MGAT4A: variants seen among roughly 807,000 people sequenced by gnomAD.
The protein encoded by MGAT4A is N-acetylglucosaminyltransferase IVa.
MGAT4A carries 33 observed loss-of-function variants against 74.1 expected under a neutral mutation model. The ratio of observed to expected loss-of-function variants is 0.45; its 90% CI spans 0.34 to 0.60. The LOEUF (loss-of-function observed/expected upper bound fraction) is 0.60, where lower values mean the gene tolerates loss of function less well. MGAT4A is among the 20% of genes least tolerant of loss of function. The pLI is 0.02. For synonymous variants in MGAT4A, 198 were observed against 210.4 expected, an observed-to-expected ratio of 0.94 and a Z score of 0.51; for missense variants, 479 against 628.3, an observed-to-expected ratio of 0.76 and a Z score of 2.54.
At chr2:98,661,064 C>G (rs958144434) in intron 5 of MGAT4A, among the ~76,000 whole-genome samples, 1 of 152,000 alleles carries the variant, frequency 6.6e-6, no homozygotes, top group Non-Finnish European at 1.5e-5. Flanking sequence ...TCAAACAGCT[C>G]AAGAGTAAGA....
chr2:98,699,330 G>A (rs374378451), intron 2 of MGAT4A, among the ~76,000 whole-genome samples: 8 of 152,254 alleles, frequency 5.3e-5, no homozygotes, highest in East Asian at 3.9e-4. Flanking sequence ...TGTACAAATA[G>A]TTTAGGCACA....
At chr2:98,673,931 T>C (rs547050151) in intron 4 of MGAT4A, among the ~76,000 whole-genome samples, 5 of 152,336 alleles carry the variant, frequency 3.3e-5, no homozygotes, top group African/African-American at 2.4e-5. Flanking sequence ...TTAGTCTCTG[T>C]ATACCTGGCA....
At chr2:98,645,320 C>T (rs980337327) in intron 9 of MGAT4A, 108 bp downstream of exon 9, 5 of 765,270 alleles carry the variant, frequency 6.5e-6, no homozygotes, top group African/African-American at 5.4e-5. Context: ...TAAAACAACC[C>T]ATTTCCATAG....
chr2:98,655,579 G>T, intron 7 of MGAT4A, 59 bp from the exon 8 acceptor site: 1 of 1,171,094 alleles, frequency 8.5e-7, no homozygotes, highest in Non-Finnish European at 1.3e-6. Context: ...AGTAAAATAA[G>T]ATTAAATGTA....
At chr2:98,697,664 T>G (rs771381780) in intron 2 of MGAT4A, among the ~76,000 whole-genome samples, 11 of 152,186 alleles carry the variant, frequency 7.2e-5, no homozygotes, top group Non-Finnish European at 1.3e-4. Flanking sequence ...ACAATTATTT[T>G]TAAATAGGTT....
At chr2:98,665,009 C>A (rs1277930315) in intron 4 of MGAT4A, among the ~76,000 whole-genome samples, 1 of 152,030 alleles carries the variant, frequency 6.6e-6, no homozygotes, top group African/African-American at 2.4e-5. Context: ...TTTGGAGATA[C>A]TAAAAAATAC....
intron 2 of MGAT4A, among the ~76,000 whole-genome samples, chr2:98,679,611 G>A (rs1247199890): frequency 2.0e-5 from 3 of 152,028 alleles, no homozygotes; most frequent in Non-Finnish European, 4.4e-5. Context: ...CAGCCTGGGC[G>A]ACAGAGTGAA....
chr2:98,619,562 T>C lies in MGAT4A; in HGVS notation c.*6004A>G, dbSNP rs1217819846. 1 of 152,196 alleles carries C rather than the reference T, an allele frequency of 6.6e-6. No homozygotes were observed. The highest frequency in any genetic ancestry group is 6.5e-5 in the Admixed American group (1 of 15,284). 9.4% of individuals were successfully genotyped at this position (152,196 alleles called of 1,614,324 possible). ...ACTTTGCTGATTTCTAAATCTTTCTTAGAAAACATTACTGCCTACACTGAA... is the reference window on the plus strand; with the variant it reads ...ACTTTGCTGATTTCTAAATCTTTCTCAGAAAACATTACTGCCTACACTGAA... On this transcript the variant is annotated 3_prime_UTR_variant, in exon 16 of 16. Transcript: ENST00000393487.
chr2:98,670,457 C>T (rs1282333518), intron 4 of MGAT4A, among the ~76,000 whole-genome samples: 1 of 152,156 alleles, frequency 6.6e-6, no homozygotes, highest in Non-Finnish European at 1.5e-5. Context: ...CATTTTCTTC[C>T]ACTTTCCCGG....
chr2:98,638,160 G>C (rs1021323106), intron 12 of MGAT4A, among the ~76,000 whole-genome samples: 1 of 152,202 alleles, frequency 6.6e-6, no homozygotes, highest in African/African-American at 2.4e-5. Context: ...ATCAAGTCAA[G>C]TGAAACTGTC....
intron 8 of MGAT4A, 104 bp downstream of exon 8, chr2:98,655,341 C>A: frequency 2.6e-6 from 2 of 776,162 alleles, no homozygotes; most frequent in South Asian, 1.9e-5. Flanking sequence ...TTTGTCAGAT[C>A]TCAGAGGGTT....
chr2:98,658,190 T>C (rs2271670), intron 6 of MGAT4A, 28 bp downstream of exon 6: 652,539 of 1,434,696 alleles, frequency 0.45, 158,270 homozygotes, highest in African/African-American at 0.85. Context: ...CCAAAATATT[T>C]GTATGTTTAT....
chr2:98,670,068 C>G (rs1163650479), intron 4 of MGAT4A, among the ~76,000 whole-genome samples: 2 of 152,208 alleles, frequency 1.3e-5, no homozygotes, highest in African/African-American at 4.8e-5. Flanking sequence ...CCAGCCTGTC[C>G]TATCTGATAC....
intron 2 of MGAT4A, among the ~76,000 whole-genome samples, chr2:98,712,266 C>A (rs1702528706): frequency 6.6e-6 from 1 of 152,230 alleles, no homozygotes; most frequent in Admixed American, 6.5e-5. Flanking sequence ...TTGTGAGAAT[C>A]CTTTCCAGAA....
Position 98,625,812 on chromosome 2 carries a change from C to G in MGAT4A, c.1492G>C (p.Glu498Gln). 1 of 1,609,984 alleles carries G rather than the reference C, an allele frequency of 6.2e-7. No homozygotes were observed. The highest frequency in any genetic ancestry group is 2.2e-5 in the East Asian group (1 of 44,724). ...RIGKFENGVA[E>Q]GMVDPSLNPI... is the part of the protein sequence containing the mutation. ...TTGAGACTTGGATCCACCATTCCTTCTGCAACACCATTCTCAAATTTTCCT... is the reference window on the plus strand; with the variant it reads ...TTGAGACTTGGATCCACCATTCCTTGTGCAACACCATTCTCAAATTTTCCT... The change falls in exon 15 of 16, where the codon GAA (glutamate) becomes CAA (glutamine). Residue 498 changes from glutamate (E) to glutamine (Q), a missense_variant. Coordinates refer to ENST00000393487, the MANE Select transcript of MGAT4A (RefSeq NM_012214.3).
intron 10 of MGAT4A, 115 bp from the exon 11 acceptor site, chr2:98,640,343 G>T: frequency 1.2e-6 from 1 of 819,464 alleles, no homozygotes; most frequent in Non-Finnish European, 1.9e-6. Flanking sequence ...GGCGCGGTGG[G>T]TCATGCCTAT....
At chr2:98,634,088 CATTT>C (rs1289246206) in intron 14 of MGAT4A, among the ~76,000 whole-genome samples, 1 of 152,164 alleles carries the variant, frequency 6.6e-6, no homozygotes, top group Non-Finnish European at 1.5e-5. Context: ...GAGAAGCATT[CATTT>C]GTTTTAAACA....
chr2:98,644,345 C>T (rs1701454965), intron 9 of MGAT4A, among the ~76,000 whole-genome samples: 1 of 152,114 alleles, frequency 6.6e-6, no homozygotes, highest in African/African-American at 2.4e-5. Flanking sequence ...AGAGATTTTC[C>T]CTTCGTGTCT....
At chr2:98,664,200 CAAAAAAAAAAA>C (rs57981145) in intron 4 of MGAT4A, among the ~76,000 whole-genome samples, 81 of 51,492 alleles carry the variant, frequency 1.6e-3, no homozygotes, top group East Asian at 4.0e-3. Context: ...GATTCCATCT[CAAAAAAAAAAA>C]AAAAAAAAAA....
Sources: gnomAD v4.1 joint callset for allele counts (sites outside exome capture counted in the v4.1 genomes callset) on GRCh38, gnomAD v4.1.1 for gene constraint, MANE v1.5 for transcripts, NCBI Gene and HGNC (gene_info 2026-07-23, HGNC 2026-07-21) for gene names.